Variants in PCDH17 observed in about 807,000 individuals in gnomAD.
PCDH17 encodes the protein protocadherin-17.
A neutral mutation model predicts 67.7 loss-of-function variants in PCDH17; 21 were observed. The ratio of observed to expected loss-of-function variants is 0.31; its 90% CI spans 0.22 to 0.45. PCDH17 has a LOEUF of 0.45. Among genes scored for constraint, PCDH17 ranks in the 20% least tolerant of loss-of-function variants. PCDH17 has a pLI of 1.00. For missense variants in PCDH17, 1,471 were observed against 1,564.8 expected (o/e 0.94, Z 1.01); for synonymous variants, 701 against 656.7 (o/e 1.07, Z -1.03).
intron 3 of PCDH17, among the ~76,000 whole-genome samples, chr13:57,692,093 T>C (rs181192788): frequency 6.6e-6 from 1 of 151,318 alleles, no homozygotes; most frequent in Non-Finnish European, 1.5e-5. Flanking sequence ...TGGGGCAGGC[T>C]GATAACATTT....
intron 3 of PCDH17, among the ~76,000 whole-genome samples, chr13:57,690,806 G>A (rs1003612132): frequency 4.0e-5 from 6 of 151,216 alleles, no homozygotes; most frequent in African/African-American, 7.3e-5. Context: ...TCTTTATCTC[G>A]TGCCGAGTAT....
At chr13:57,679,029 T>C (rs1356431276) in intron 3 of PCDH17, among the ~76,000 whole-genome samples, 3 of 151,490 alleles carry the variant, frequency 2.0e-5, no homozygotes, top group Non-Finnish European at 4.4e-5. Context: ...CATTGTGTAG[T>C]GAAATATCTG....
At chr13:57,651,373 T>G (rs1459934846) in intron 1 of PCDH17, among the ~76,000 whole-genome samples, 1 of 149,778 alleles carries the variant, frequency 6.7e-6, no homozygotes, top group Non-Finnish European at 1.5e-5. Flanking sequence ...TTTTTTTTTT[T>G]TTTTTTGAGA....
In PCDH17 at chr13:57,729,156, A is replaced by C. The variant is rs572107792; in HGVS notation, c.*3862A>C. On this transcript the variant is annotated 3_prime_UTR_variant, in exon 4 of 4. Coordinates refer to ENST00000377918, the MANE Select transcript of PCDH17 (RefSeq NM_001040429.3). ...ATTTCCATTATCAGCCCATCACTCCATAAAGTTCTTAGCTGCACCAAGTGA... is the reference window on the plus strand; with the variant it reads ...ATTTCCATTATCAGCCCATCACTCCCTAAAGTTCTTAGCTGCACCAAGTGA... 5 of 152,252 alleles carry C rather than the reference A, an allele frequency of 3.3e-5. 1 individual carries two copies. The highest frequency in any genetic ancestry group is 3.3e-4 in the Admixed American group (5 of 15,280). The allele number at this position is 152,252 out of a possible 1,614,324, so 9.4% of individuals were successfully genotyped here. A position where few individuals can be genotyped will look rare whatever the true frequency, so the allele number is the denominator to read the frequency against.
chr13:57,651,356 G>GTTTTT (rs67207232), intron 1 of PCDH17, among the ~76,000 whole-genome samples: 9 of 84,104 alleles, frequency 1.1e-4, no homozygotes, highest in Admixed American at 2.9e-4. Flanking sequence ...TTTAATTGAG[G>GTTTTT]TTTTTTTTTT....
chr13:57,660,387 A>C (rs1233558838), intron 1 of PCDH17, among the ~76,000 whole-genome samples: 1 of 152,246 alleles, frequency 6.6e-6, no homozygotes, highest in African/African-American at 2.4e-5. Context: ...AAATTGGCTC[A>C]GTATCATTTT....
intron 1 of PCDH17, among the ~76,000 whole-genome samples, chr13:57,664,785 A>T (rs73205376): frequency 1.1e-4 from 17 of 152,340 alleles, no homozygotes; most frequent in Non-Finnish European, 2.4e-4. Flanking sequence ...ATTAAATTAA[A>T]ATGTGAAGTG....
chr13:57,680,020 C>A (rs906940904), intron 3 of PCDH17, among the ~76,000 whole-genome samples: 4 of 151,308 alleles, frequency 2.6e-5, no homozygotes, highest in Non-Finnish European at 4.4e-5. Context: ...TTCAGTAATT[C>A]AGTAAAAATT....
chr13:57,643,116 A>T lies in PCDH17; in HGVS notation c.2565+8005A>T, dbSNP rs546642551. ...ATTTTTGCTATTTTTTCACGGCGAC[A>T]TAGAAATTGCATATGTATTACTGAA... On this transcript the variant is annotated intron_variant, in intron 1 of 3. Transcript: ENST00000377918. Among the ~76,000 whole-genome samples the T allele has an allele frequency of 2.6e-5, 4 of 151,752 alleles. No homozygotes were observed. The East Asian group carries it at 7.7e-4, about 29-fold the overall frequency.
At chr13:57,693,643 T>C (rs1335938182) in intron 3 of PCDH17, among the ~76,000 whole-genome samples, 1 of 150,718 alleles carries the variant, frequency 6.6e-6, no homozygotes, top group Non-Finnish European at 1.5e-5. Context: ...TAAAAATGAT[T>C]GCATGATTTT....
chr13:57,634,953 C>A lies in PCDH17; in HGVS notation c.2407C>A (p.Arg803Ser), dbSNP rs747879651. Residue 803 changes from arginine to serine, a missense_variant, in exon 1 of 4, where the codon CGC becomes AGC. Around this residue, in one of 3 missense-constraint regions of PCDH17, gnomAD observed 1,163 missense variants for 1,230.0 expected, o/e 0.95. Coordinates refer to ENST00000377918, the MANE Select transcript of PCDH17 (RefSeq NM_001040429.3). The surrounding 1 kb of genome is among the most constrained non-coding windows in gnomAD (Gnocchi z 7.8). Reference sequence around the variant, plus strand: ...CCCCATGTACTTCGACTACCAGACCCGCCTGCCCCTCAGCTCGCCCCGGTC... The same window carrying A: ...CCCCATGTACTTCGACTACCAGACCAGCCTGCCCCTCAGCTCGCCCCGGTC... Reference protein sequence around the residue: ...TSPMYFDYQTRLPLSSPRSEV... With the variant: ...TSPMYFDYQTSLPLSSPRSEV... The A allele has an allele frequency of 4.3e-6, 7 of 1,613,924 alleles. No individual in the cohort carries two copies. Among genetic ancestry groups the A allele is most frequent in the Admixed American group, 1.7e-5 (1 of 60,012 alleles).
chr13:57,676,104 T>C (rs1955388685), intron 3 of PCDH17, among the ~76,000 whole-genome samples: 1 of 151,934 alleles, frequency 6.6e-6, no homozygotes, highest in African/African-American at 2.4e-5. Flanking sequence ...ATTTAATGCC[T>C]TAATTAAGTT....
chr13:57,713,341 A>C (rs943294531), intron 3 of PCDH17, among the ~76,000 whole-genome samples: 2 of 151,742 alleles, frequency 1.3e-5, no homozygotes, highest in African/African-American at 4.8e-5. Flanking sequence ...GGGATGAACC[A>C]ATTGTAGAGG....
At chr13:57,689,644 A>AT (rs1955538818) in intron 3 of PCDH17, among the ~76,000 whole-genome samples, 2 of 151,948 alleles carry the variant, frequency 1.3e-5, no homozygotes, top group African/African-American at 4.8e-5. Flanking sequence ...CTTTGAGTGT[A>AT]TTTTTCTGTA....
chr13:57,723,717 G>C (rs1332299515), intron 3 of PCDH17, among the ~76,000 whole-genome samples: 1 of 152,124 alleles, frequency 6.6e-6, no homozygotes, highest in South Asian at 2.1e-4. Flanking sequence ...AAATATTGGG[G>C]TCAATGGAAG....
Position 57,634,820 on chromosome 13 carries a change from G to C in PCDH17, c.2274G>C (p.Lys758Asn), listed in dbSNP as rs1489520657. 6.2e-7 allele frequency: 1 copy of C among 1,613,632 alleles called. No individual in the cohort carries two copies. The highest frequency in any genetic ancestry group is 8.5e-7 in the Non-Finnish European group (1 of 1,179,782). Reference protein sequence around the residue: ...SHPQLGGGKGKKKKINKNDIM... With the variant: ...SHPQLGGGKGNKKKINKNDIM... ...CGCAGCTGGGTGGGGGCAAGGGCAA[G>C]AAGAAGAAGATCAACAAAAATGATA... Residue 758 changes from lysine (K) to asparagine (N), a missense_variant, in exon 1 of 4, where the codon AAG (lysine) becomes AAC (asparagine). Physicochemically the swap from Lys to Asn is moderately conservative, Grantham distance 94 (BLOSUM62 0). Around this residue, in one of 3 missense-constraint regions of PCDH17, gnomAD observed 1,163 missense variants for 1,230.0 expected, o/e 0.95. Coordinates refer to ENST00000377918, the MANE Select transcript of PCDH17 (RefSeq NM_001040429.3). The surrounding 1 kb of genome is among the most constrained non-coding windows in gnomAD (Gnocchi z 7.8).
At chr13:57,676,221 G>A (rs192102936) in intron 3 of PCDH17, among the ~76,000 whole-genome samples, 3 of 151,604 alleles carry the variant, frequency 2.0e-5, no homozygotes, top group Admixed American at 2.0e-4. Flanking sequence ...AGAGATGCTA[G>A]GAAAAAAACA....
At chr13:57,673,820 T>C (rs1566230821) in intron 3 of PCDH17, among the ~76,000 whole-genome samples, 1 of 151,988 alleles carries the variant, frequency 6.6e-6, no homozygotes, top group Non-Finnish European at 1.5e-5. Context: ...TGCATTTATC[T>C]AATAGCTTCT....
intron 1 of PCDH17, among the ~76,000 whole-genome samples, chr13:57,657,760 T>C (rs1955125982): frequency 6.6e-6 from 1 of 152,224 alleles, no homozygotes; most frequent in South Asian, 2.1e-4. Flanking sequence ...CAAGGGTATT[T>C]TTCAAAATTT....
Sources: allele counts gnomAD v4.1 joint callset (sites outside exome capture counted in the v4.1 genomes callset), GRCh38; gene constraint gnomAD v4.1.1; regional missense constraint gnomAD v4.1.1; non-coding constraint Gnocchi (gnomAD v3.1); transcripts MANE v1.5; gene names NCBI Gene and HGNC (gene_info 2026-07-23, HGNC 2026-07-21).